SCAI: variants seen among roughly 807,000 people sequenced by gnomAD.
SCAI encodes the protein protein SCAI.
Under a neutral mutation model 92.2 loss-of-function variants are expected in SCAI, and 24 were observed. The observed-to-expected ratio is 0.26, with a 90% CI of 0.19 to 0.37. SCAI has a LOEUF of 0.37. Among genes scored for constraint, SCAI ranks in the 10% least tolerant of loss-of-function variants. The probability of loss-of-function intolerance (pLI) is 1.00; values close to 1 mark genes in which losing one functional copy is unlikely to be tolerated. For synonymous variants in SCAI, 261 were observed against 258.6 expected, an observed-to-expected ratio of 1.01 and a Z score of -0.09; for missense variants, 450 against 736.2, an observed-to-expected ratio of 0.61 and a Z score of 4.50.
At chr9:125,139,751 G>A (rs1393901880) in intron 2 of SCAI, among the ~76,000 whole-genome samples, 1 of 152,164 alleles carries the variant, frequency 6.6e-6, no homozygotes. Flanking sequence ...AGATCGATTT[G>A]CACAGTACAG....
intron 2 of SCAI, among the ~76,000 whole-genome samples, chr9:125,064,507 G>A (rs192776633): frequency 1.3e-5 from 2 of 152,174 alleles, no homozygotes; most frequent in East Asian, 3.9e-4. Flanking sequence ...TATACCTTCT[G>A]ACCACACTGC....
intron 2 of SCAI, among the ~76,000 whole-genome samples, chr9:125,086,726 C>A (rs1471604556): frequency 6.6e-6 from 1 of 152,154 alleles, no homozygotes; most frequent in African/African-American, 2.4e-5. Flanking sequence ...GCAAGAGTGG[C>A]GTGGGTAAGA....
At chr9:125,124,756 T>C (rs556884867) in intron 2 of SCAI, among the ~76,000 whole-genome samples, 1 of 152,282 alleles carries the variant, frequency 6.6e-6, no homozygotes, top group East Asian at 1.9e-4. Context: ...ACACATAAAA[T>C]GAACCATCAT....
intron 3 of SCAI, among the ~76,000 whole-genome samples, chr9:125,053,558 G>GACC (rs1246478847): frequency 6.6e-6 from 1 of 152,050 alleles, no homozygotes; most frequent in African/African-American, 2.4e-5. Context: ...CATGATAGAA[G>GACC]ACCACATATT....
At chr9:125,012,360 A>G (rs550854840) in intron 9 of SCAI, among the ~76,000 whole-genome samples, 10 of 152,198 alleles carry the variant, frequency 6.6e-5, no homozygotes, top group Non-Finnish European at 1.0e-4. Flanking sequence ...ATGGAAAACA[A>G]AAAAAGGCAG....
intron 13 of SCAI, among the ~76,000 whole-genome samples, chr9:124,999,380 C>A (rs1407134407): frequency 6.6e-6 from 1 of 150,642 alleles, no homozygotes; most frequent in African/African-American, 2.4e-5. Flanking sequence ...GGGCAAGACT[C>A]CATCTCAAAA....
At chr9:125,037,297 C>T (rs1833217246) in intron 3 of SCAI, among the ~76,000 whole-genome samples, 1 of 151,430 alleles carries the variant, frequency 6.6e-6, no homozygotes, top group Non-Finnish European at 1.5e-5. Context: ...ATTAGCCAGG[C>T]CTGGTAGGAC....
At chr9:125,078,515 T>C (rs1456636636) in intron 2 of SCAI, among the ~76,000 whole-genome samples, 2 of 151,264 alleles carry the variant, frequency 1.3e-5, no homozygotes, top group African/African-American at 4.9e-5. Context: ...GCGATAAGAG[T>C]GAAACTCTAT....
rs182117808 is a variant in SCAI, at chr9:125,031,291, C to T, written c.231-1552G>A. ...TTTTTTTTTTTTTGAGATGGAGTCG[C>T]GCTCTTGCCGCCCAGGCTGGAGTGC... On this transcript the variant is annotated intron_variant, in intron 3 of 17. Coordinates refer to ENST00000336505, the MANE Select transcript of SCAI (RefSeq NM_001144877.3). Among the ~76,000 whole-genome samples the T allele has an allele frequency of 9.1e-3, 1,377 of 151,202 alleles. 13 individuals carry two copies. The highest frequency in any genetic ancestry group is 0.015 in the Non-Finnish European group (1,027 of 67,882).
chr9:125,069,656 T>G (rs908948657), intron 2 of SCAI, among the ~76,000 whole-genome samples: 17 of 134,510 alleles, frequency 1.3e-4, no homozygotes, highest in Admixed American at 1.0e-3. Context: ...GTCGTCTTGC[T>G]CTTGTCACCA....
chr9:124,959,271 A>C (rs571943059), intron 17 of SCAI, among the ~76,000 whole-genome samples: 1 of 140,574 alleles, frequency 7.1e-6, no homozygotes. Context: ...AATAAAATTT[A>C]AAAAAAAAAG....
At chr9:125,045,018 G>A (rs1046970328) in intron 3 of SCAI, among the ~76,000 whole-genome samples, 5 of 152,126 alleles carry the variant, frequency 3.3e-5, no homozygotes, top group East Asian at 1.9e-4. Flanking sequence ...CACACCCCTC[G>A]CTGCTCCATA....
In SCAI at chr9:124,947,650, A is replaced by G. The variant is rs1317075366; in HGVS notation, c.*5157T>C. 1 of 152,222 alleles carries G rather than the reference A, an allele frequency of 6.6e-6. No homozygotes were observed. The highest frequency in any genetic ancestry group is 1.5e-5 in the Non-Finnish European group (1 of 68,040). The allele number at this position is 152,222 out of a possible 1,614,324, so 9.4% of individuals were successfully genotyped here. ...TATATTTACAAATATGTATACATAT[A>G]TACAAAAAGTATACACAGAGATTGC... On this transcript the variant is annotated 3_prime_UTR_variant, in exon 18 of 18. Coordinates refer to ENST00000336505, the MANE Select transcript of SCAI (RefSeq NM_001144877.3).
chr9:125,054,060 G>T (rs758415337), intron 3 of SCAI, among the ~76,000 whole-genome samples: 1 of 152,024 alleles, frequency 6.6e-6, no homozygotes, highest in African/African-American at 2.4e-5. Context: ...CTGAAGCCTC[G>T]ATCTCCTGGG....
chr9:125,093,152 G>C (rs1438863210), intron 2 of SCAI, among the ~76,000 whole-genome samples: 1 of 152,152 alleles, frequency 6.6e-6, no homozygotes, highest in Non-Finnish European at 1.5e-5. Context: ...CTTGAGGTCA[G>C]GAGTTCAAGA....
At chr9:125,125,447 G>T (rs1013265711) in intron 2 of SCAI, among the ~76,000 whole-genome samples, 5 of 151,656 alleles carry the variant, frequency 3.3e-5, no homozygotes, top group Non-Finnish European at 5.9e-5. Context: ...AGAATTGCTT[G>T]AACCCAAGAG....
chr9:125,046,196 G>GATTATATATATAT (rs1554784576), intron 3 of SCAI, among the ~76,000 whole-genome samples: 12 of 51,868 alleles, frequency 2.3e-4, no homozygotes, highest in Non-Finnish European at 3.6e-4. Context: ...GAAATTGTGA[G>GATTATATATATAT]ATATATATAT....
At chr9:125,010,740 C>T (rs947914298) in intron 9 of SCAI, among the ~76,000 whole-genome samples, 1 of 152,190 alleles carries the variant, frequency 6.6e-6, no homozygotes, top group Admixed American at 6.5e-5. Context: ...TCAAGTGGGT[C>T]CCTGACCCCG....
intron 2 of SCAI, among the ~76,000 whole-genome samples, chr9:125,124,482 A>G (rs1835221429): frequency 6.6e-6 from 1 of 152,174 alleles, no homozygotes; most frequent in Non-Finnish European, 1.5e-5. Context: ...ACCATGCTCA[A>G]GAGCCAAAGT....
Sources: allele counts gnomAD v4.1 joint callset (sites outside exome capture counted in the v4.1 genomes callset), GRCh38; gene constraint gnomAD v4.1.1; transcripts MANE v1.5; gene names NCBI Gene and HGNC (gene_info 2026-07-23, HGNC 2026-07-21).